DENND1B: variants seen among roughly 807,000 people sequenced by gnomAD.
The protein encoded by DENND1B is DENN domain-containing protein 1B.
DENND1B carries 59 observed loss-of-function variants against 90.1 expected under a neutral mutation model. The observed-to-expected ratio is 0.65, with a 90% CI of 0.53 to 0.81. The LOEUF (loss-of-function observed/expected upper bound fraction) is 0.81. DENND1B is among the 40% of genes least tolerant of loss of function. The pLI is 0.00. For missense variants in DENND1B, 862 were observed against 912.6 expected, an observed-to-expected ratio of 0.94 and a Z score of 0.71; for synonymous variants, 337 against 324.6, an observed-to-expected ratio of 1.04 and a Z score of -0.41.
intron 20 of DENND1B, among the ~76,000 whole-genome samples, chr1:197,515,973 G>A (rs574141799): frequency 6.6e-6 from 1 of 151,792 alleles, no homozygotes; most frequent in African/African-American, 2.4e-5. Flanking sequence ...TATTTTTTAA[G>A]TCCAACTTTT....
Position 197,545,973 on chromosome 1 carries a change from G to A in DENND1B, c.1299C>T (p.Phe433=), listed in dbSNP as rs370811608. Residue 433 remains phenylalanine, a synonymous_variant, in exon 18 of 23, where the codon TTC becomes TTT. Transcript: ENST00000620048. ...VHTVKKGGAL[F]NTAMTKATPA... is the part of the protein sequence containing the mutation. ...GGGTTGCTTTGGTCATTGCTGTGTT[G>A]AACAGTGCACCTCCTTTCTGCAAAA... The A allele has an allele frequency of 1.1e-5, 18 of 1,606,144 alleles. No individual in the cohort carries two copies. The highest frequency in any genetic ancestry group is 4.5e-5 in the East Asian group (2 of 44,676).
At chr1:197,746,180 C>G (rs562233575) in intron 2 of DENND1B, among the ~76,000 whole-genome samples, 1 of 152,098 alleles carries the variant, frequency 6.6e-6, no homozygotes, top group African/African-American at 2.4e-5. Context: ...TCATATCAGG[C>G]CAGGAGTTCA....
intron 2 of DENND1B, among the ~76,000 whole-genome samples, chr1:197,765,841 C>T (rs1259698049): frequency 6.6e-6 from 1 of 152,168 alleles, no homozygotes; most frequent in African/African-American, 2.4e-5. Flanking sequence ...GATAACCAAA[C>T]TATTAAAATG....
chr1:197,674,681 A>AG (rs1491194055), intron 3 of DENND1B, among the ~76,000 whole-genome samples: 1 of 151,542 alleles, frequency 6.6e-6, no homozygotes, highest in African/African-American at 2.4e-5. Flanking sequence ...AAAAAAAAAA[A>AG]AGAGAGAGAG....
chr1:197,621,053 T>C (rs1307343873), intron 10 of DENND1B, among the ~76,000 whole-genome samples: 3 of 151,088 alleles, frequency 2.0e-5, no homozygotes, highest in South Asian at 4.2e-4. Context: ...AAGTCCCAGG[T>C]GAGAACATGC....
At chr1:197,746,897 T>G in intron 2 of DENND1B, 1 of 1,610,004 alleles carries the variant, frequency 6.2e-7, no homozygotes, top group African/African-American at 1.3e-5. Flanking sequence ...TTTGGCAATC[T>G]TTACACCAAG....
intron 16 of DENND1B, among the ~76,000 whole-genome samples, chr1:197,548,431 T>C (rs1377123515): frequency 6.6e-6 from 1 of 152,192 alleles, no homozygotes; most frequent in Non-Finnish European, 1.5e-5. Flanking sequence ...ATAAGCATAA[T>C]AGTCATTGTC....
intron 16 of DENND1B, among the ~76,000 whole-genome samples, chr1:197,551,386 A>C (rs777785834): frequency 6.6e-6 from 1 of 152,182 alleles, no homozygotes; most frequent in Non-Finnish European, 1.5e-5. Flanking sequence ...AAATTAAAAT[A>C]AGAGTTCAAA....
intron 2 of DENND1B, among the ~76,000 whole-genome samples, chr1:197,758,692 T>C: frequency 6.6e-6 from 1 of 152,296 alleles, no homozygotes; most frequent in East Asian, 1.9e-4. Flanking sequence ...AGGTAAAATA[T>C]CTGTCTTATC....
intron 2 of DENND1B, among the ~76,000 whole-genome samples, chr1:197,755,414 A>G (rs1654151495): frequency 6.6e-6 from 1 of 152,114 alleles, no homozygotes; most frequent in Admixed American, 6.5e-5. Context: ...ACTTAAGAGT[A>G]GTATACTGCC....
At chr1:197,695,926 A>C (rs1195242953) in intron 3 of DENND1B, among the ~76,000 whole-genome samples, 3 of 151,346 alleles carry the variant, frequency 2.0e-5, no homozygotes, top group African/African-American at 7.3e-5. Flanking sequence ...ATTCCTACCA[A>C]ATACCTTTTA....
chr1:197,671,245 A>G (rs1655471902), intron 5 of DENND1B, among the ~76,000 whole-genome samples: 1 of 152,172 alleles, frequency 6.6e-6, no homozygotes, highest in African/African-American at 2.4e-5. Context: ...ATTTTTATAG[A>G]CTACATCTGG....
At chr1:197,764,527 T>C (rs1355016461) in intron 2 of DENND1B, among the ~76,000 whole-genome samples, 3 of 152,146 alleles carry the variant, frequency 2.0e-5, no homozygotes, top group African/African-American at 7.2e-5. Flanking sequence ...AATATACTTA[T>C]ACACTTACTA....
intron 7 of DENND1B, among the ~76,000 whole-genome samples, chr1:197,650,132 G>T (rs997198848): frequency 6.6e-6 from 1 of 152,100 alleles, no homozygotes; most frequent in East Asian, 1.9e-4. Context: ...TCAGGGAAAT[G>T]CAACTCAAAA....
Position 197,506,699 on chromosome 1 carries a change from G to T in DENND1B, c.*3761C>A, listed in dbSNP as rs1366287537. ...CCTGAATCCTATTATTAGGATATTC[G>T]CATAGAATAGCACTAGTAACAGCAG... On this transcript the variant is annotated 3_prime_UTR_variant, in exon 23 of 23. Transcript: ENST00000620048. 6.6e-6 allele frequency: 1 copy of T among 151,378 alleles called. No homozygotes were observed. Among genetic ancestry groups the T allele is most frequent in the Non-Finnish European group, 1.5e-5 (1 of 67,594 alleles). The allele number at this position is 151,378 out of a possible 1,614,324, so 9.4% of individuals were successfully genotyped here.
At chr1:197,702,992 T>C (rs1659185329) in intron 3 of DENND1B, among the ~76,000 whole-genome samples, 1 of 152,040 alleles carries the variant, frequency 6.6e-6, no homozygotes, top group Non-Finnish European at 1.5e-5. Context: ...TTTTGTTGTT[T>C]TGTTTTTATT....
intron 5 of DENND1B, among the ~76,000 whole-genome samples, chr1:197,662,152 C>G (rs933332436): frequency 6.6e-6 from 1 of 151,834 alleles, no homozygotes; most frequent in Non-Finnish European, 1.5e-5. Context: ...TAAGCTTTAC[C>G]CTTATGGGAT....
chr1:197,700,702 C>T (rs964617764), intron 3 of DENND1B, among the ~76,000 whole-genome samples: 26 of 152,104 alleles, frequency 1.7e-4, no homozygotes, highest in East Asian at 1.5e-3. Flanking sequence ...ATCTGGCAAA[C>T]GTCTAATATC....
chr1:197,520,229 A>C (rs1359032627), intron 20 of DENND1B, among the ~76,000 whole-genome samples: 1 of 151,966 alleles, frequency 6.6e-6, no homozygotes, highest in African/African-American at 2.4e-5. Context: ...TTACATGCAT[A>C]CTACTGCCTT....
Sources: gnomAD v4.1 joint callset for allele counts (sites outside exome capture counted in the v4.1 genomes callset) on GRCh38, gnomAD v4.1.1 for gene constraint, MANE v1.5 for transcripts, NCBI Gene and HGNC (gene_info 2026-07-23, HGNC 2026-07-21) for gene names.